Variants in CAMKMT observed in about 807,000 individuals in gnomAD.
CAMKMT encodes CaM KMT.
CAMKMT carries 53 observed loss-of-function variants against 48.0 expected under a neutral mutation model. The ratio of observed to expected loss-of-function variants is 1.10; its 90% confidence interval spans 0.89 to 1.39. The LOEUF (loss-of-function observed/expected upper bound fraction) is 1.39, where lower values mean the gene tolerates loss of function less well. Ranked by LOEUF, CAMKMT falls within the 40% of genes most tolerant of loss-of-function variation. CAMKMT has a pLI of 0.00. For missense variants in CAMKMT, 428 were observed against 402.7 expected (o/e 1.06, Z -0.54); for synonymous variants, 165 against 152.3 (o/e 1.08, Z -0.61).
Position 44,547,704 on chromosome 2 carries a change from C to T in CAMKMT, c.377-156579C>T, listed in dbSNP as rs145910066. ...TGCCATCTCTGTACTATCATTTCCT[C>T]ATTTGAAATAATACCCATTTCATAG... On this transcript the variant is annotated intron_variant, in intron 3 of 10. Coordinates refer to ENST00000378494, the MANE Select transcript of CAMKMT (RefSeq NM_024766.5). Among the ~76,000 whole-genome samples the T allele has an allele frequency of 1.6e-3, 244 of 151,134 alleles. 3 individuals carry two copies. Among genetic ancestry groups the T allele is most frequent in the African/African-American group, 5.7e-3 (233 of 41,122 alleles).
At chr2:44,422,871 C>T (rs1418405169) in intron 3 of CAMKMT, among the ~76,000 whole-genome samples, 1 of 151,982 alleles carries the variant, frequency 6.6e-6, no homozygotes, top group Admixed American at 6.6e-5. Flanking sequence ...TACATAGAAC[C>T]AGTGAATTCT....
intron 3 of CAMKMT, among the ~76,000 whole-genome samples, chr2:44,511,691 T>A (rs2104770578): frequency 6.6e-6 from 1 of 152,348 alleles, no homozygotes; most frequent in East Asian, 1.9e-4. Flanking sequence ...GTACTTCAAC[T>A]GAGGGCTGAG....
chr2:44,536,134 G>C (rs1280653715), intron 3 of CAMKMT, among the ~76,000 whole-genome samples: 1 of 151,978 alleles, frequency 6.6e-6, no homozygotes, highest in African/African-American at 2.4e-5. Context: ...AAAATATCTA[G>C]ACATAAATTT....
intron 3 of CAMKMT, among the ~76,000 whole-genome samples, chr2:44,627,768 G>A (rs1432447604): frequency 8.5e-5 from 11 of 129,980 alleles, no homozygotes; most frequent in African/African-American, 2.7e-4. Context: ...GGAGTGCAGT[G>A]GTGCAATCTC....
intron 3 of CAMKMT, among the ~76,000 whole-genome samples, chr2:44,561,619 A>C (rs184826930): frequency 6.6e-6 from 1 of 152,196 alleles, no homozygotes; most frequent in Non-Finnish European, 1.5e-5. Flanking sequence ...TTTGTCAAAC[A>C]TGTTCTGCTC....
At chr2:44,731,144 C>A (rs1305536501) in intron 7 of CAMKMT, among the ~76,000 whole-genome samples, 1 of 152,192 alleles carries the variant, frequency 6.6e-6, no homozygotes, top group African/African-American at 2.4e-5. Flanking sequence ...AGTTTGAGAC[C>A]AGCCTGGCCA....
chr2:44,590,556 C>G (rs1004875448), intron 3 of CAMKMT, among the ~76,000 whole-genome samples: 39 of 152,034 alleles, frequency 2.6e-4, no homozygotes, highest in African/African-American at 9.4e-4. Context: ...AAATGTCTTC[C>G]TTTGAGAAGT....
intron 3 of CAMKMT, among the ~76,000 whole-genome samples, chr2:44,437,412 T>C (rs925345740): frequency 6.6e-6 from 1 of 152,154 alleles, no homozygotes; most frequent in African/African-American, 2.4e-5. Context: ...AGTTGTTCTG[T>C]TGGGGAATAG....
At chr2:44,770,984 G>T (rs1681082801) in intron 10 of CAMKMT, among the ~76,000 whole-genome samples, 1 of 152,228 alleles carries the variant, frequency 6.6e-6, no homozygotes, top group African/African-American at 2.4e-5. Flanking sequence ...CGGAAAAGGG[G>T]AAGTGGGCTC....
chr2:44,554,127 G>C (rs1222577037), intron 3 of CAMKMT, among the ~76,000 whole-genome samples: 2 of 152,202 alleles, frequency 1.3e-5, no homozygotes, highest in Non-Finnish European at 2.9e-5. Context: ...TAGACATTTA[G>C]TGTCTGTATG....
chr2:44,678,305 G>A (rs1200729429), intron 3 of CAMKMT, among the ~76,000 whole-genome samples: 1 of 152,206 alleles, frequency 6.6e-6, no homozygotes, highest in Non-Finnish European at 1.5e-5. Context: ...GATGGTGCTA[G>A]TTCTTCATCT....
intron 6 of CAMKMT, among the ~76,000 whole-genome samples, chr2:44,709,843 T>A (rs1398633562): frequency 6.6e-6 from 1 of 152,106 alleles, no homozygotes; most frequent in Non-Finnish European, 1.5e-5. Flanking sequence ...GGGAGAAACA[T>A]TGCCAGAAGC....
At chr2:44,617,533 A>G (rs1348036496) in intron 3 of CAMKMT, among the ~76,000 whole-genome samples, 3 of 152,234 alleles carry the variant, frequency 2.0e-5, no homozygotes, top group African/African-American at 2.4e-5. Flanking sequence ...AATAATTCAA[A>G]CTATAAAAGC....
chr2:44,422,320 C>T (rs1297680649), intron 3 of CAMKMT, among the ~76,000 whole-genome samples: 1 of 152,164 alleles, frequency 6.6e-6, no homozygotes, highest in East Asian at 1.9e-4. Flanking sequence ...TATAAATTAC[C>T]CAGTCTCAGG....
At chr2:44,593,343 G>T (rs1355899755) in intron 3 of CAMKMT, among the ~76,000 whole-genome samples, 2 of 152,092 alleles carry the variant, frequency 1.3e-5, no homozygotes, top group Non-Finnish European at 2.9e-5. Context: ...TCAGATACAT[G>T]TGCTTATCAA....
At chr2:44,454,028 A>G (rs905759962) in intron 3 of CAMKMT, among the ~76,000 whole-genome samples, 3 of 152,094 alleles carry the variant, frequency 2.0e-5, no homozygotes, top group South Asian at 2.1e-4. Flanking sequence ...CTGCCTGACT[A>G]TATTTTAGAG....
intron 1 of CAMKMT, among the ~76,000 whole-genome samples, chr2:44,368,949 T>G (rs1678894213): frequency 6.6e-6 from 1 of 152,070 alleles, no homozygotes; most frequent in South Asian, 2.1e-4. Flanking sequence ...GCTCAAACAA[T>G]TCTCATGCCT....
At chr2:44,619,825 G>T (rs917265518) in intron 3 of CAMKMT, among the ~76,000 whole-genome samples, 1 of 152,168 alleles carries the variant, frequency 6.6e-6, no homozygotes, top group Admixed American at 6.5e-5. Flanking sequence ...GCTGTGGATA[G>T]CAATGATGAT....
chr2:44,765,411 T>C (rs343936), intron 9 of CAMKMT, among the ~76,000 whole-genome samples: 31,541 of 151,926 alleles, frequency 0.21, 3,738 homozygotes, highest in African/African-American at 0.33. Flanking sequence ...GATAAACCAC[T>C]CTTCATAAGA....
Sources: gnomAD v4.1 joint callset for allele counts (sites outside exome capture counted in the v4.1 genomes callset) on GRCh38, gnomAD v4.1.1 for gene constraint, MANE v1.5 for transcripts, NCBI Gene and HGNC (gene_info 2026-07-23, HGNC 2026-07-21) for gene names.